FHIT: variants seen among roughly 807,000 people sequenced by gnomAD.
FHIT encodes fragile histidine triad diadenosine triphosphatase.
FHIT carries 19 observed loss-of-function variants against 17.9 expected under a neutral mutation model. The observed-to-expected ratio is 1.06, with a 90% CI of 0.74 to 1.56. The LOEUF (loss-of-function observed/expected upper bound fraction) is 1.56, where lower values mean the gene tolerates loss of function less well. FHIT is among the 40% of genes most tolerant of loss of function. The pLI, the probability that FHIT is intolerant of heterozygous loss-of-function variation, is 0.00. For synonymous variants in FHIT, 81 were observed against 69.7 expected, an observed-to-expected ratio of 1.16 and a Z score of -0.81; for missense variants, 248 against 189.2, an observed-to-expected ratio of 1.31 and a Z score of -1.82.
At chr3:60,362,667 G>A (rs1291259828) in intron 5 of FHIT, among the ~76,000 whole-genome samples, 6 of 152,160 alleles carry the variant, frequency 3.9e-5, no homozygotes, top group East Asian at 1.9e-4. Context: ...TATCACCTAC[G>A]TGAACAGAGC....
At chr3:61,214,562 G>A (rs1182009648) in intron 1 of FHIT, among the ~76,000 whole-genome samples, 2 of 151,958 alleles carry the variant, frequency 1.3e-5, no homozygotes, top group East Asian at 1.9e-4. Flanking sequence ...ATTCACAGCC[G>A]AATTCTACCA....
intron 4 of FHIT, among the ~76,000 whole-genome samples, chr3:60,656,134 CT>C (rs1392079036): frequency 6.6e-6 from 1 of 152,158 alleles, no homozygotes; most frequent in Non-Finnish European, 1.5e-5. Context: ...CTTAGCAGAG[CT>C]GCTGGTTTTA....
chr3:60,885,934 T>C (rs1371099524), intron 3 of FHIT, among the ~76,000 whole-genome samples: 1 of 146,412 alleles, frequency 6.8e-6, no homozygotes, highest in Non-Finnish European at 1.5e-5. Context: ...TATTCATTTA[T>C]TGGCTCCCAT....
intron 4 of FHIT, among the ~76,000 whole-genome samples, chr3:60,654,938 A>T (rs1317604241): frequency 6.6e-6 from 1 of 152,182 alleles, no homozygotes; most frequent in Non-Finnish European, 1.5e-5. Flanking sequence ...TTGAGTGCCC[A>T]TATCTCATCC....
At chr3:60,146,201 G>T (rs776166212) in intron 5 of FHIT, among the ~76,000 whole-genome samples, 1 of 150,848 alleles carries the variant, frequency 6.6e-6, no homozygotes, top group Non-Finnish European at 1.5e-5. Flanking sequence ...CTTTATTTAG[G>T]ATAGGTCTAG....
At chr3:60,576,425 G>C (rs1167359179) in intron 4 of FHIT, among the ~76,000 whole-genome samples, 2 of 151,980 alleles carry the variant, frequency 1.3e-5, no homozygotes, top group South Asian at 2.1e-4. Context: ...CAAAAGGAAA[G>C]AAATGCAACC....
chr3:60,470,173 A>ACAC (rs2033018015), intron 5 of FHIT, among the ~76,000 whole-genome samples: 1 of 151,932 alleles, frequency 6.6e-6, no homozygotes, highest in Admixed American at 6.6e-5. Flanking sequence ...AGCCAGCCTA[A>ACAC]CACTGGGTCT....
intron 5 of FHIT, among the ~76,000 whole-genome samples, chr3:60,082,231 T>G (rs1703319535): frequency 6.8e-5 from 9 of 132,732 alleles, no homozygotes; most frequent in Admixed American, 6.7e-4. Flanking sequence ...AGTATTTGGT[T>G]TTCTGTTCCT....
At chr3:60,697,359 T>C in intron 4 of FHIT, among the ~76,000 whole-genome samples, 1 of 152,044 alleles carries the variant, frequency 6.6e-6, no homozygotes. Context: ...GGGTGAACCT[T>C]GAGATAGGTG....
intron 5 of FHIT, among the ~76,000 whole-genome samples, chr3:60,401,028 G>A (rs1701637592): frequency 6.6e-6 from 1 of 152,060 alleles, no homozygotes; most frequent in African/African-American, 2.4e-5. Context: ...CTACCACCTA[G>A]ATCAATTTAA....
intron 5 of FHIT, among the ~76,000 whole-genome samples, chr3:60,367,225 G>A (rs2107034429): frequency 6.6e-6 from 1 of 152,232 alleles, no homozygotes; most frequent in South Asian, 2.1e-4. Flanking sequence ...ATTAAGTCAG[G>A]TAATAATGCT....
chr3:60,195,597 T>TTA (rs61306676), intron 5 of FHIT, among the ~76,000 whole-genome samples: 2 of 129,422 alleles, frequency 1.5e-5, no homozygotes, highest in African/African-American at 6.3e-5. Flanking sequence ...TTATATATAA[T>TTA]TATATATATG....
chr3:60,747,798 G>A (rs1212600486), intron 4 of FHIT, among the ~76,000 whole-genome samples: 1 of 152,072 alleles, frequency 6.6e-6, no homozygotes, highest in Non-Finnish European at 1.5e-5. Flanking sequence ...TGGAACCCAA[G>A]GTTCAGAGAG....
chr3:60,748,544 G>T (rs13091058), intron 4 of FHIT, among the ~76,000 whole-genome samples: 69,674 of 151,936 alleles, frequency 0.46, 16,165 homozygotes, highest in South Asian at 0.61. Flanking sequence ...AAGTGCGGTG[G>T]CTCACACCTG....
intron 5 of FHIT, among the ~76,000 whole-genome samples, chr3:60,522,106 G>T (rs377051351): frequency 3.8e-5 from 5 of 133,308 alleles, no homozygotes; most frequent in Admixed American, 7.7e-5. Flanking sequence ...GCAACCAGAA[G>T]TTTTTTTTTT....
chr3:61,064,278 C>T (rs1373627865), intron 2 of FHIT, among the ~76,000 whole-genome samples: 2 of 152,158 alleles, frequency 1.3e-5, no homozygotes, highest in African/African-American at 2.4e-5. Flanking sequence ...GCTCCCTTCC[C>T]TCCTATCCTG....
intron 5 of FHIT, among the ~76,000 whole-genome samples, chr3:60,485,403 C>G (rs779944182): frequency 5.1e-4 from 77 of 152,142 alleles, no homozygotes; most frequent in Non-Finnish European, 7.4e-4. Flanking sequence ...AGAACCAACT[C>G]AAATGCCCAT....
At chr3:60,774,729 G>A (rs1026208995) in intron 4 of FHIT, among the ~76,000 whole-genome samples, 6 of 152,112 alleles carry the variant, frequency 3.9e-5, no homozygotes, top group Non-Finnish European at 7.3e-5. Context: ...TTGAATATAA[G>A]CACTGTGATA....
At chr3:60,746,007 G>A (rs1205668028) in intron 4 of FHIT, among the ~76,000 whole-genome samples, 4 of 152,166 alleles carry the variant, frequency 2.6e-5, no homozygotes, top group African/African-American at 9.7e-5. Context: ...CAAGAAAGAT[G>A]ATAACAAGCA....
Sources: allele counts gnomAD v4.1 joint callset (sites outside exome capture counted in the v4.1 genomes callset), GRCh38; gene constraint gnomAD v4.1.1; transcripts MANE v1.5; gene names NCBI Gene and HGNC (gene_info 2026-07-23, HGNC 2026-07-21).